The following NR4A1 variants were observed in gnomAD, a reference collection of about 807,000 sequenced individuals.
The protein encoded by NR4A1 is nuclear receptor subfamily 4 group A member 1.
NR4A1 carries 24 observed loss-of-function variants against 47.5 expected under a neutral mutation model. The observed-to-expected ratio is 0.50, with a 90% confidence interval of 0.37 to 0.71. The LOEUF is 0.71. NR4A1 is among the 30% of genes least tolerant of loss of function. NR4A1 has a pLI of 0.00. For synonymous variants in NR4A1, 353 were observed against 345.7 expected (o/e 1.02, Z -0.24); for missense variants, 669 against 788.6 (o/e 0.85, Z 1.82).
intron 1 of NR4A1, among the ~76,000 whole-genome samples, chr12:52,030,039 C>A (rs1234436829): frequency 6.6e-6 from 1 of 152,236 alleles, no homozygotes; most frequent in East Asian, 1.9e-4. Flanking sequence ...TCTACCCCAG[C>A]AAACCCTAAG....
At chr12:52,032,992 G>T (rs927064756) in intron 1 of NR4A1, among the ~76,000 whole-genome samples, 1 of 152,194 alleles carries the variant, frequency 6.6e-6, no homozygotes, top group Non-Finnish European at 1.5e-5. Flanking sequence ...GGAAGCTTCG[G>T]CTCAATGGTT....
chr12:52,054,659 T>C lies in NR4A1; in HGVS notation c.331T>C (p.Cys111Arg). 1 of 1,614,144 alleles carries C rather than the reference T, an allele frequency of 6.2e-7. No homozygotes were observed. Residue 111 changes from cysteine (C) to arginine (R), a missense_variant, in exon 2 of 7, where the codon TGC (cysteine) becomes CGC (arginine). Transcript: ENST00000394825. ...GTTCGAGGACTTCCAGGTGTACGGC[T>C]GCTACCCCGGCCCCCTGAGCGGCCC... Reference protein sequence around the residue: ...FKFEDFQVYGCYPGPLSGPVD... With the variant: ...FKFEDFQVYGRYPGPLSGPVD...
chr12:52,045,228 C>T (rs569495542), intron 2 of NR4A1, among the ~76,000 whole-genome samples: 3 of 152,192 alleles, frequency 2.0e-5, no homozygotes, highest in Non-Finnish European at 4.4e-5. Context: ...GGAGGGCTGC[C>T]GGCTCCCCCG....
chr12:52,041,634 C>G (rs1290095928), intron 1 of NR4A1, among the ~76,000 whole-genome samples: 2 of 152,218 alleles, frequency 1.3e-5, no homozygotes, highest in African/African-American at 4.8e-5. Context: ...TGCCTGGGGC[C>G]TCGGCCCCCA....
chr12:52,055,972 G>C, intron 2 of NR4A1, 58 bp from the exon 3 acceptor site: 1 of 363,172 alleles, frequency 2.8e-6, no homozygotes, highest in South Asian at 4.0e-5. Context: ...CCTCCCCTAA[G>C]TTCCCCCCTC....
chr12:52,032,242 G>C (rs1938142768), intron 1 of NR4A1, among the ~76,000 whole-genome samples: 1 of 152,198 alleles, frequency 6.6e-6, no homozygotes, highest in South Asian at 2.1e-4. Context: ...ACCGCTATGG[G>C]CAGGCATAAT....
chr12:52,039,444 C>T (rs1938357763), intron 1 of NR4A1, among the ~76,000 whole-genome samples: 1 of 152,210 alleles, frequency 6.6e-6, no homozygotes, highest in Non-Finnish European at 1.5e-5. Flanking sequence ...GGGGACAGAG[C>T]TGGGATCCAG....
chr12:52,057,652 A>G (rs1263184251), intron 6 of NR4A1, 122 bp downstream of exon 6: 2 of 1,111,732 alleles, frequency 1.8e-6, no homozygotes, highest in Non-Finnish European at 2.6e-6. Context: ...GGGCCCCTGC[A>G]CTGCCCCGGG....
At chr12:52,023,740 C>G (rs1446378450) in intron 1 of NR4A1, among the ~76,000 whole-genome samples, 1 of 152,138 alleles carries the variant, frequency 6.6e-6, no homozygotes, top group Admixed American at 6.5e-5. Context: ...GTCCACCGTC[C>G]TCTCATCCCC....
At position 52,046,107 on chromosome 12, in the gene NR4A1, A is replaced by C. The variant is rs74688436; in HGVS notation, c.37+4178A>C. ...CCATGGGTGGGGACAGTCTCAGTGA[A>C]AGTAGGGCAAGTTCCTGACCTCTAC... On this transcript the variant is annotated intron_variant, in intron 2 of 7. Coordinates refer to the NR4A1 transcript ENST00000360284. Among the ~76,000 whole-genome samples, 128 of 152,278 alleles carry C rather than the reference A, an allele frequency of 8.4e-4. 1 individual carries two copies. The East Asian group carries it at 0.023, about 27-fold the overall frequency.
intron 1 of NR4A1, among the ~76,000 whole-genome samples, chr12:52,052,187 A>G (rs964451664): frequency 4.0e-5 from 6 of 149,548 alleles, no homozygotes; most frequent in East Asian, 2.0e-4. Context: ...CTTGCTGTGT[A>G]TTGAATAAAG....
chr12:52,029,250 T>C (rs879107), intron 1 of NR4A1, among the ~76,000 whole-genome samples: 117,499 of 152,184 alleles, frequency 0.77, 46,285 homozygotes, highest in African/African-American at 0.88. Context: ...GGGGGCAGAA[T>C]TCCCCTCCAA....
intron 1 of NR4A1, among the ~76,000 whole-genome samples, chr12:52,023,676 C>T (rs1937936745): frequency 6.6e-6 from 1 of 152,034 alleles, no homozygotes; most frequent in Non-Finnish European, 1.5e-5. Flanking sequence ...GCTCCTCCTT[C>T]TGCCCCGGCC....
At chr12:52,045,605 G>A (rs1938603526) in intron 2 of NR4A1, 1 of 443,698 alleles carries the variant, frequency 2.3e-6, no homozygotes, top group Admixed American at 2.5e-5. Context: ...TTAGGCAGAT[G>A]AGGAAGCAGT....
intron 1 of NR4A1, among the ~76,000 whole-genome samples, chr12:52,033,206 A>C (rs576640549): frequency 6.6e-6 from 1 of 151,296 alleles, no homozygotes; most frequent in East Asian, 2.0e-4. Flanking sequence ...CCGGGAGCGC[A>C]GCTGGGGCTC....
At chr12:52,053,613 A>G (rs1939093966) in intron 1 of NR4A1, 1 of 133,040 alleles carries the variant, frequency 7.5e-6, no homozygotes, top group South Asian at 2.3e-4. Context: ...TTCTGGGAGC[A>G]TCTCGAGCAG....
chr12:52,056,223 G>A (rs958712359), intron 3 of NR4A1, 64 bp downstream of exon 3: 1 of 1,520,160 alleles, frequency 6.6e-7, no homozygotes, highest in Non-Finnish European at 8.8e-7. Flanking sequence ...GACCAGCAGG[G>A]CCCCCAGGCT....
rs201901500 is a variant in NR4A1, at chr12:52,056,023, C to G, written c.877-7C>G. 1.4e-4 allele frequency: 202 copies of G among 1,481,916 alleles called. No homozygotes were observed. Among genetic ancestry groups the G allele is most frequent in the Admixed American group, 1.0e-3 (45 of 43,144 alleles). 91.8% of individuals were successfully genotyped at this position (1,481,916 alleles called of 1,614,324 possible). On this transcript the variant is annotated splice_polypyrimidine_tract_variant and splice_region_variant and intron_variant, in intron 2 of 6. Transcript: ENST00000394825. ...GACAGCTTGTTCCGTGTTGCCCCCC[C>G]ACCCAGCGCACAGTGCAGAAAAACG... is the stretch of plus-strand genomic sequence containing the variant.
At chr12:52,041,701 G>T (rs1938445003) in intron 1 of NR4A1, 1 of 1,183,538 alleles carries the variant, frequency 8.4e-7, no homozygotes, top group Non-Finnish European at 1.1e-6. Flanking sequence ...CCCTCTTGTG[G>T]CCTAGGTCCT....
Sources: gnomAD v4.1 joint callset for allele counts (sites outside exome capture counted in the v4.1 genomes callset) on GRCh38, gnomAD v4.1.1 for gene constraint, MANE v1.5 for transcripts, NCBI Gene and HGNC (gene_info 2026-07-23, HGNC 2026-07-21) for gene names.